Variants in PFKFB3 observed in about 807,000 individuals in gnomAD.
PFKFB3 encodes 6-phosphofructo-2-kinase/fructose-2,6-biphosphatase 3, also known as 6-phosphofructo-2-kinase/fructose-2,6-bisphosphatase 3.
PFKFB3 carries 33 observed loss-of-function variants against 68.0 expected under a neutral mutation model. That is an observed-to-expected ratio of 0.49 (90% CI 0.37 to 0.65). The LOEUF (loss-of-function observed/expected upper bound fraction) is 0.65, where lower values mean the gene tolerates loss of function less well. Among genes scored for constraint, PFKFB3 ranks in the 30% least tolerant of loss-of-function variants. PFKFB3 has a pLI of 0.00. For synonymous variants in PFKFB3, 315 were observed against 288.2 expected, an observed-to-expected ratio of 1.09 and a Z score of -0.94; for missense variants, 586 against 712.2, an observed-to-expected ratio of 0.82 and a Z score of 2.02.
intron 1 of PFKFB3, among the ~76,000 whole-genome samples, chr10:6,207,778 C>T (rs1843894639): frequency 6.6e-6 from 1 of 152,244 alleles, no homozygotes; most frequent in East Asian, 1.9e-4. Flanking sequence ...AAACCTGTAG[C>T]TTCCTTCGCA....
intron 1 of PFKFB3, chr10:6,145,070 C>A: frequency 7.9e-7 from 1 of 1,268,162 alleles, no homozygotes; most frequent in Non-Finnish European, 1.0e-6. Context: ...CCTGAGCGGC[C>A]GCCTGTGGGT....
intron 11 of PFKFB3, 116 bp from the exon 12 acceptor site, chr10:6,223,842 C>G (rs1845134466): frequency 1.2e-6 from 1 of 853,232 alleles, no homozygotes; most frequent in African/African-American, 1.7e-5. Flanking sequence ...GTCTTGAACT[C>G]CTGACCTCAG....
chr10:6,237,212 C>T (rs1406406790), downstream of PFKFB3, among the ~76,000 whole-genome samples: 1 of 152,258 alleles, frequency 6.6e-6, no homozygotes, highest in Non-Finnish European at 1.5e-5. Context: ...AGTCCCTGCA[C>T]ACCTTTCGCA....
intron 1 of PFKFB3, among the ~76,000 whole-genome samples, chr10:6,189,069 G>C (rs2131816194): frequency 6.6e-6 from 1 of 152,208 alleles, no homozygotes; most frequent in Non-Finnish European, 1.5e-5. Context: ...TCGATCTCCT[G>C]ACCTCGTGAT....
At chr10:6,299,233 C>CT in the PFKFB3 span, among the ~76,000 whole-genome samples, 1 of 152,194 alleles carries the variant, frequency 6.6e-6, no homozygotes. Flanking sequence ...ATGGTGTTTG[C>CT]TTTTTTCAAC....
At chr10:6,255,556 T>G (rs547538236), downstream of PFKFB3, among the ~76,000 whole-genome samples, 1 of 152,364 alleles carries the variant, frequency 6.6e-6, no homozygotes, top group African/African-American at 2.4e-5. Flanking sequence ...TGTGTCTCCC[T>G]TATCTGACTG....
chr10:6,211,352 G>A (rs998670095), intron 1 of PFKFB3, among the ~76,000 whole-genome samples: 15 of 152,326 alleles, frequency 9.8e-5, no homozygotes, highest in Admixed American at 2.6e-4. Context: ...AATATTCTGC[G>A]TATGTGCACA....
chr10:6,252,013 G>T (rs1846393003), intron 14 of PFKFB3, among the ~76,000 whole-genome samples: 1 of 151,936 alleles, frequency 6.6e-6, no homozygotes, highest in African/African-American at 2.4e-5. Context: ...CCTTATGAGA[G>T]AATAAATTTC....
chr10:6,158,010 G>A (rs536131439), intron 1 of PFKFB3, among the ~76,000 whole-genome samples: 45 of 151,530 alleles, frequency 3.0e-4, no homozygotes, highest in Non-Finnish European at 5.7e-4. Context: ...GTGTGGCTGG[G>A]CGCGGTGGTT....
chr10:6,207,779 T>C (rs369851762), intron 1 of PFKFB3, among the ~76,000 whole-genome samples: 4 of 152,372 alleles, frequency 2.6e-5, no homozygotes, highest in South Asian at 4.1e-4. Flanking sequence ...AACCTGTAGC[T>C]TCCTTCGCAT....
At chr10:6,164,667 A>G (rs1421039404) in intron 1 of PFKFB3, among the ~76,000 whole-genome samples, 5 of 152,070 alleles carry the variant, frequency 3.3e-5, no homozygotes, top group Non-Finnish European at 5.9e-5. Context: ...TATTTTTACT[A>G]TCTTGGCGAG....
chr10:6,201,718 C>T (rs987769595), upstream of PFKFB3, among the ~76,000 whole-genome samples: 5 of 152,170 alleles, frequency 3.3e-5, no homozygotes, highest in African/African-American at 7.2e-5. This position sits in a 1 kb window ranked among gnomAD's most constrained non-coding sequence, Gnocchi z 4.1. Flanking sequence ...CGCCTTCCCT[C>T]CAATCACAGC....
the PFKFB3 span, among the ~76,000 whole-genome samples, chr10:6,286,759 T>G: frequency 6.6e-6 from 1 of 152,264 alleles, no homozygotes; most frequent in South Asian, 2.1e-4. Context: ...TCTACTGTAT[T>G]CATAAGTATT....
chr10:6,231,350 C>T (rs192327426), intron 14 of PFKFB3: 426 of 1,611,622 alleles, frequency 2.6e-4, no homozygotes, highest in East Asian at 2.1e-3. Context: ...TGTCCCGCAC[C>T]GCGTCACGGC....
Position 6,203,080 on chromosome 10 carries a change from C to G in PFKFB3, c.-181C>G. 7.0e-7 allele frequency: 1 copy of G among 1,421,070 alleles called. No homozygotes were observed. Among genetic ancestry groups the G allele is most frequent in the South Asian group, 1.5e-5 (1 of 65,764 alleles). The allele number at this position is 1,421,070 out of a possible 1,614,324, so 88.0% of individuals were successfully genotyped here. On this transcript the variant is annotated 5_prime_UTR_variant, in exon 1 of 15. Coordinates refer to ENST00000379775, the MANE Select transcript of PFKFB3 (RefSeq NM_004566.4). ...TACCCTCGCAGCACACGTCGAGCCC[C>G]GCACAGGCGAGGGTCCGGAACTTAG...
the PFKFB3 span, among the ~76,000 whole-genome samples, chr10:6,290,724 G>A: frequency 6.6e-6 from 1 of 152,008 alleles, no homozygotes; most frequent in East Asian, 1.9e-4. Context: ...GACTGGTTTC[G>A]AACTCCTGAC....
intron 11 of PFKFB3, 110 bp from the exon 12 acceptor site, chr10:6,223,848 C>T (rs959634521): frequency 4.5e-6 from 4 of 892,602 alleles, no homozygotes; most frequent in Non-Finnish European, 5.7e-6. Flanking sequence ...AACTCCTGAC[C>T]TCAGGTGATC....
chr10:6,209,036 A>G (rs937654189), intron 1 of PFKFB3, among the ~76,000 whole-genome samples: 3 of 152,184 alleles, frequency 2.0e-5, no homozygotes, highest in African/African-American at 7.2e-5. Context: ...TGTATCCCCC[A>G]AGTAGCCTCT....
Position 6,228,157 on chromosome 10 carries a change from G to GCCT in PFKFB3, c.1515+1796_1515+1798dup, listed in dbSNP as rs1247383959. On this transcript the variant is annotated intron_variant, in intron 14 of 14. Coordinates refer to ENST00000379775, the MANE Select transcript of PFKFB3 (RefSeq NM_004566.4). This position sits in a 1 kb window ranked among gnomAD's most constrained non-coding sequence, Gnocchi z 4.5. ...GCTTCGTCCCTGCAGATTGCGCCCTGCCTCCTGACTGACTTCTCTCTCTGC... is the reference window on the plus strand; with the variant it reads ...GCTTCGTCCCTGCAGATTGCGCCCTGCCTCCTCCTGACTGACTTCTCTCTCTGC... 1.2e-6 allele frequency: 2 copies of GCCT among 1,612,312 alleles called. No individual in the cohort carries two copies. The highest frequency in any genetic ancestry group is 1.6e-4 in the Middle Eastern group (1 of 6,078).
Sources: allele counts gnomAD v4.1 joint callset (sites outside exome capture counted in the v4.1 genomes callset), GRCh38; gene constraint gnomAD v4.1.1; non-coding constraint Gnocchi (gnomAD v3.1); transcripts MANE v1.5; gene names NCBI Gene and HGNC (gene_info 2026-07-23, HGNC 2026-07-21).